The following EPB41L4B variants were observed in gnomAD, a reference collection of about 807,000 sequenced individuals.
The protein encoded by EPB41L4B is band 4.1-like protein 4B.
In EPB41L4B, 30 loss-of-function variants were observed where a neutral mutation model predicts 112.5. The observed-to-expected ratio is 0.27, with a 90% CI of 0.20 to 0.36. The LOEUF is 0.36. EPB41L4B is among the 10% of genes least tolerant of loss of function. The probability of loss-of-function intolerance (pLI) is 1.00; values close to 1 mark genes in which losing one functional copy is unlikely to be tolerated. For missense variants in EPB41L4B, 1,024 were observed against 1,133.3 expected, an observed-to-expected ratio of 0.90 and a Z score of 1.38; for synonymous variants, 408 against 439.7, an observed-to-expected ratio of 0.93 and a Z score of 0.90.
chr9:109,182,705 C>T, intron 24 of EPB41L4B, 24 bp downstream of exon 24: 2 of 1,577,752 alleles, frequency 1.3e-6, no homozygotes, highest in Non-Finnish European at 1.7e-6. Flanking sequence ...TTAAAATGCA[C>T]ATCTGTTTTC....
chr9:109,263,149 C>T (rs748657589), intron 5 of EPB41L4B, 47 bp from the exon 6 acceptor site: 1 of 1,187,542 alleles, frequency 8.4e-7, no homozygotes, highest in East Asian at 2.5e-5. Flanking sequence ...AACTTAAGTA[C>T]AACCATACAA....
chr9:109,215,533 C>A (rs1833331855), intron 16 of EPB41L4B, among the ~76,000 whole-genome samples: 1 of 152,168 alleles, frequency 6.6e-6, no homozygotes, highest in South Asian at 2.1e-4. Flanking sequence ...CCCATCTCGG[C>A]CTCCCAAAGT....
At chr9:109,276,785 C>T (rs1287958698) in intron 2 of EPB41L4B, among the ~76,000 whole-genome samples, 2 of 152,166 alleles carry the variant, frequency 1.3e-5, no homozygotes, top group South Asian at 2.1e-4. Flanking sequence ...ATCTGAGTGG[C>T]TAATGAGGGG....
intron 6 of EPB41L4B, among the ~76,000 whole-genome samples, chr9:109,258,884 G>A (rs1472931464): frequency 6.6e-6 from 1 of 152,130 alleles, no homozygotes; most frequent in South Asian, 2.1e-4. Flanking sequence ...GCAGAAAGGA[G>A]GGAGGAGCAG....
intron 2 of EPB41L4B, among the ~76,000 whole-genome samples, chr9:109,279,026 C>A (rs1835937045): frequency 6.6e-6 from 1 of 152,138 alleles, no homozygotes; most frequent in Non-Finnish European, 1.5e-5. Flanking sequence ...TCGGCAACAG[C>A]AAGACCTGCT....
intron 14 of EPB41L4B, among the ~76,000 whole-genome samples, chr9:109,245,391 C>A (rs534086838): frequency 2.0e-5 from 3 of 152,330 alleles, no homozygotes; most frequent in African/African-American, 7.2e-5. Flanking sequence ...TTGGAAACTT[C>A]CTTGGTCTCC....
At chr9:109,234,262 A>G (rs1015709781) in intron 15 of EPB41L4B, among the ~76,000 whole-genome samples, 1 of 152,236 alleles carries the variant, frequency 6.6e-6, no homozygotes, top group Non-Finnish European at 1.5e-5. Flanking sequence ...AAATATGCAC[A>G]TACCTTTTAA....
At chr9:109,208,083 A>G in intron 17 of EPB41L4B, 34 bp from the exon 18 acceptor site, 2 of 1,613,030 alleles carry the variant, frequency 1.2e-6, no homozygotes, top group South Asian at 1.1e-5. Context: ...AGCAGATTGT[A>G]AACAAAGAGA....
intron 15 of EPB41L4B, among the ~76,000 whole-genome samples, chr9:109,242,524 C>T (rs1325999832): frequency 1.3e-5 from 2 of 152,182 alleles, no homozygotes; most frequent in African/African-American, 4.8e-5. Context: ...AATAAAGCAC[C>T]TTTGAAATAC....
chr9:109,186,266 C>A (rs891304070), intron 22 of EPB41L4B, among the ~76,000 whole-genome samples: 3 of 151,896 alleles, frequency 2.0e-5, no homozygotes, highest in African/African-American at 7.3e-5. Flanking sequence ...CAGCTCACTG[C>A]AACCTTTGCC....
intron 4 of EPB41L4B, among the ~76,000 whole-genome samples, chr9:109,266,365 G>C (rs963053577): frequency 4.6e-5 from 7 of 151,998 alleles, no homozygotes; most frequent in African/African-American, 1.4e-4. Flanking sequence ...GACAGAGCCA[G>C]ACCTTGTCTC....
intron 1 of EPB41L4B, among the ~76,000 whole-genome samples, chr9:109,281,126 CTTT>C (rs377524946): frequency 5.8e-4 from 77 of 133,688 alleles, no homozygotes; most frequent in African/African-American, 1.7e-3. Flanking sequence ...AAATGTGAGA[CTTT>C]TTTTTTTTTT....
intron 7 of EPB41L4B, among the ~76,000 whole-genome samples, chr9:109,256,948 T>TCAA (rs529918545): frequency 1.3e-5 from 2 of 152,214 alleles, no homozygotes; most frequent in African/African-American, 2.4e-5. Flanking sequence ...AAACTCCATC[T>TCAA]CAACAACAAC....
chr9:109,296,666 A>G (rs961961775), intron 1 of EPB41L4B, among the ~76,000 whole-genome samples: 5 of 152,054 alleles, frequency 3.3e-5, no homozygotes, highest in African/African-American at 1.2e-4. Context: ...CAGGAGGATC[A>G]CTTGAGGCCA....
chr9:109,218,828 C>T (rs980351165), intron 15 of EPB41L4B, among the ~76,000 whole-genome samples: 71 of 152,324 alleles, frequency 4.7e-4, no homozygotes, highest in African/African-American at 1.7e-3. Context: ...ATCCCTTCCT[C>T]TTATTCCCTG....
chr9:109,270,555 A>G (rs1195769684), intron 2 of EPB41L4B, among the ~76,000 whole-genome samples: 1 of 152,230 alleles, frequency 6.6e-6, no homozygotes, highest in Non-Finnish European at 1.5e-5. Context: ...ATTTAAGCCC[A>G]ATATTTACTT....
chr9:109,233,465 A>T (rs1156519338), intron 15 of EPB41L4B, among the ~76,000 whole-genome samples: 1 of 150,988 alleles, frequency 6.6e-6, no homozygotes, highest in Non-Finnish European at 1.5e-5. Context: ...TGTTGCCCAC[A>T]TTCCCTTTTT....
intron 2 of EPB41L4B, among the ~76,000 whole-genome samples, chr9:109,270,921 G>C (rs1297196848): frequency 6.6e-6 from 1 of 152,182 alleles, no homozygotes; most frequent in East Asian, 1.9e-4. Flanking sequence ...GAGTCTCAGA[G>C]CATCAGTTTT....
At chr9:109,185,979 G>T (rs1427262668) in intron 22 of EPB41L4B, among the ~76,000 whole-genome samples, 1 of 152,006 alleles carries the variant, frequency 6.6e-6, no homozygotes, top group African/African-American at 2.4e-5. Flanking sequence ...CTGAAGCATT[G>T]CCCAGGCCAA....
Sources: allele counts gnomAD v4.1 joint callset (sites outside exome capture counted in the v4.1 genomes callset), GRCh38; gene constraint gnomAD v4.1.1; transcripts MANE v1.5; gene names NCBI Gene and HGNC (gene_info 2026-07-23, HGNC 2026-07-21).